The following SIK2 variants were observed in gnomAD, a reference collection of about 807,000 sequenced individuals.
SIK2 encodes salt inducible kinase 2, also known as serine/threonine-protein kinase SIK2.
In SIK2, 29 loss-of-function variants were observed where a neutral mutation model predicts 103.2. The observed-to-expected ratio is 0.28, with a 90% confidence interval of 0.21 to 0.38. The LOEUF (loss-of-function observed/expected upper bound fraction) is 0.38. Ranked by LOEUF, SIK2 falls within the 10% of genes least tolerant of loss-of-function variation. SIK2 has a pLI of 1.00. For missense variants in SIK2, 879 were observed against 1,171.0 expected (o/e 0.75, Z 3.64); for synonymous variants, 412 against 446.1 (o/e 0.92, Z 0.96).
rs1941601250 is a variant in SIK2 at position 111,602,796 on chromosome 11, C to A, written c.135+98C>A. ...CCGCAGTGGTGGGACCGGGGAGACC[C>A]GAGAGGCCGCCTCACTGGCGGAGGC... On this transcript the variant is annotated intron_variant, in intron 1 of 14. Coordinates refer to ENST00000304987, the MANE Select transcript of SIK2 (RefSeq NM_015191.3). This position sits in a 1 kb window ranked among gnomAD's most constrained non-coding sequence, Gnocchi z 4.5. 1.4e-6 allele frequency: 2 copies of A among 1,379,508 alleles called. No homozygotes were observed. Among genetic ancestry groups the A allele is most frequent in the Non-Finnish European group, 1.9e-6 (2 of 1,068,744 alleles). 85.5% of individuals were successfully genotyped at this position (1,379,508 alleles called of 1,614,324 possible).
intron 3 of SIK2, among the ~76,000 whole-genome samples, chr11:111,674,742 T>C (rs2135883285): frequency 6.6e-6 from 1 of 152,242 alleles, no homozygotes. Flanking sequence ...ATATTTCTAC[T>C]GTGATAATTT....
At chr11:111,619,279 T>C (rs1474210514) in intron 2 of SIK2, among the ~76,000 whole-genome samples, 1 of 152,244 alleles carries the variant, frequency 6.6e-6, no homozygotes. Context: ...AGAACAAAAT[T>C]AATTTTCTTC....
At chr11:111,632,178 A>C (rs1262499276) in intron 3 of SIK2, among the ~76,000 whole-genome samples, 3 of 152,178 alleles carry the variant, frequency 2.0e-5, no homozygotes, top group Admixed American at 2.0e-4. Context: ...AGTGAATAGA[A>C]GATGCAGGCA....
intron 3 of SIK2, among the ~76,000 whole-genome samples, chr11:111,665,267 G>A (rs1429010407): frequency 3.3e-5 from 5 of 150,680 alleles, no homozygotes; most frequent in African/African-American, 4.9e-5. Context: ...GCAACATGGC[G>A]AAACCCCATG....
chr11:111,633,688 C>T (rs1009131402), intron 3 of SIK2, among the ~76,000 whole-genome samples: 2 of 152,204 alleles, frequency 1.3e-5, no homozygotes, highest in Non-Finnish European at 2.9e-5. Context: ...TTCTAACTCC[C>T]ACACCTCCCT....
Position 111,724,269 on chromosome 11 carries a change from G to C in SIK2, c.*140G>C, listed in dbSNP as rs986038692. 5 of 1,242,698 alleles carry C rather than the reference G, an allele frequency of 4.0e-6. No individual in the cohort carries two copies. In the African/African-American group the frequency reaches 7.6e-5, roughly 19 times the overall value. 77.0% of individuals were successfully genotyped at this position (1,242,698 alleles called of 1,614,324 possible). On this transcript the variant is annotated 3_prime_UTR_variant, in exon 15 of 15. Transcript: ENST00000304987. The stretch of plus-strand genomic sequence containing the variant: ...TCGAGCCACCCAACTGGAATCAGAG[G>C]GTCTGGCTGGGGTGGATGTTGCTTC...
intron 3 of SIK2, among the ~76,000 whole-genome samples, chr11:111,657,384 T>A (rs916696422): frequency 6.6e-6 from 1 of 152,096 alleles, no homozygotes; most frequent in Non-Finnish European, 1.5e-5. Context: ...GGGGTCTTTT[T>A]GGGTTTTGTT....
intron 9 of SIK2, among the ~76,000 whole-genome samples, chr11:111,718,250 T>C (rs892074020): frequency 1.3e-5 from 2 of 152,188 alleles, no homozygotes; most frequent in Non-Finnish European, 2.9e-5. Flanking sequence ...AAAATTGTAT[T>C]AGTAGAGAGT....
chr11:111,707,556 C>G (rs926374163), intron 8 of SIK2, among the ~76,000 whole-genome samples: 1 of 152,164 alleles, frequency 6.6e-6, no homozygotes, highest in African/African-American at 2.4e-5. Flanking sequence ...ACATGCTTGC[C>G]TGAGAGCCTT....
chr11:111,646,622 C>T (rs1942261170), intron 3 of SIK2, among the ~76,000 whole-genome samples: 1 of 152,138 alleles, frequency 6.6e-6, no homozygotes. Flanking sequence ...CCCCTCACCC[C>T]CGGGCAACCA....
intron 3 of SIK2, among the ~76,000 whole-genome samples, chr11:111,631,651 A>T (rs1053712036): frequency 2.6e-5 from 4 of 152,192 alleles, no homozygotes; most frequent in Non-Finnish European, 5.9e-5. Context: ...ATATATTAAA[A>T]ATATTTAAAA....
intron 3 of SIK2, chr11:111,672,107 C>G: frequency 2.1e-6 from 1 of 473,530 alleles, no homozygotes; most frequent in East Asian, 5.3e-5. Flanking sequence ...TTGATCTGCT[C>G]CTTCTCCTGG....
At chr11:111,714,251 T>C (rs577500067) in intron 9 of SIK2, among the ~76,000 whole-genome samples, 11 of 152,250 alleles carry the variant, frequency 7.2e-5, no homozygotes, top group African/African-American at 2.6e-4. Context: ...AGGGAAGCTG[T>C]GTGAAATAAA....
rs980912407 is a variant in SIK2, at chr11:111,705,926, T to C, written c.1101+787T>C. Among the ~76,000 whole-genome samples, 7 of 152,114 alleles carry C rather than the reference T, an allele frequency of 4.6e-5. No individual in the cohort carries two copies. Among genetic ancestry groups the C allele is most frequent in the African/African-American group, 1.7e-4 (7 of 41,422 alleles). The stretch of plus-strand genomic sequence containing the variant: ...GAAGGCTTAAACTCATATGGCACTG[T>C]TGGAAGTAGAAAAGAAGGGGCAAGT... On this transcript the variant is annotated intron_variant, in intron 8 of 14. Transcript: ENST00000304987. The surrounding 1 kb of genome is among the most constrained non-coding windows in gnomAD (Gnocchi z 4.3).
rs1943931715 is a variant in SIK2 at position 111,725,320 on chromosome 11, A to G, written c.*1191A>G. 1 of 152,686 alleles carries G rather than the reference A, an allele frequency of 6.5e-6. No individual in the cohort carries two copies. Among genetic ancestry groups the G allele is most frequent in the African/African-American group, 2.4e-5 (1 of 41,466 alleles). 9.5% of individuals were successfully genotyped at this position (152,686 alleles called of 1,614,324 possible). ...AATTTCGTTAAAGTTTTGACTTGTAATGAAATGTTCAAGTATTACAGCAAT... is the reference window on the plus strand; with the variant it reads ...AATTTCGTTAAAGTTTTGACTTGTAGTGAAATGTTCAAGTATTACAGCAAT... On this transcript the variant is annotated 3_prime_UTR_variant, in exon 15 of 15. Coordinates refer to ENST00000304987, the MANE Select transcript of SIK2 (RefSeq NM_015191.3).
intron 3 of SIK2, among the ~76,000 whole-genome samples, chr11:111,626,233 A>T (rs1444277524): frequency 6.6e-6 from 1 of 152,322 alleles, no homozygotes; most frequent in East Asian, 1.9e-4. Flanking sequence ...ATTTAAAAAG[A>T]TCATGAAATC....
chr11:111,667,137 T>C (rs1942555651), intron 3 of SIK2, among the ~76,000 whole-genome samples: 1 of 151,846 alleles, frequency 6.6e-6, no homozygotes, highest in African/African-American at 2.4e-5. Flanking sequence ...TTAGTAGAGA[T>C]GGGGTTTCGA....
At chr11:111,614,916 A>G (rs1168267339) in intron 1 of SIK2, among the ~76,000 whole-genome samples, 1 of 152,160 alleles carries the variant, frequency 6.6e-6, no homozygotes, top group African/African-American at 2.4e-5. Flanking sequence ...AGGTGGGCGG[A>G]TCACCTGAAG....
In SIK2 at chr11:111,701,705, C is replaced by A; in HGVS notation, c.727+130C>A. 1.6e-6 allele frequency: 2 copies of A among 1,218,288 alleles called. No homozygotes were observed. Among genetic ancestry groups the A allele is most frequent in the Non-Finnish European group, 2.2e-6 (2 of 897,932 alleles). The allele number at this position is 1,218,288 out of a possible 1,614,324, so 75.5% of individuals were successfully genotyped here. On this transcript the variant is annotated intron_variant, in intron 6 of 14. Transcript: ENST00000304987. This position sits in a 1 kb window ranked among gnomAD's most constrained non-coding sequence, Gnocchi z 4.2. ...AAGTGACTGAGCTGTAGGTTAAAAG[C>A]TATAGAAAGAAGCAACCTCCTTTAT...
Sources: gnomAD v4.1 joint callset for allele counts (sites outside exome capture counted in the v4.1 genomes callset) on GRCh38, gnomAD v4.1.1 for gene constraint, Gnocchi (gnomAD v3.1) non-coding constraint, MANE v1.5 for transcripts, NCBI Gene and HGNC (gene_info 2026-07-23, HGNC 2026-07-21) for gene names.